The following CREM variants were observed in gnomAD, a reference collection of about 807,000 sequenced individuals.
The protein encoded by CREM is cAMP responsive element modulator, also known as cAMP-responsive element modulator.
In CREM, 13 loss-of-function variants were observed where a neutral mutation model predicts 37.3. The observed-to-expected ratio is 0.35, with a 90% CI of 0.23 to 0.55. The LOEUF is 0.55. Ranked by LOEUF, CREM falls within the 20% of genes least tolerant of loss-of-function variation. CREM has a pLI of 0.88. For synonymous variants in CREM, 124 were observed against 120.2 expected (o/e 1.03, Z -0.21); for missense variants, 296 against 362.3 (o/e 0.82, Z 1.49).
Position 35,203,420 on chromosome 10 carries a change from G to A in CREM, c.599-3475G>A, listed in dbSNP as rs998693453. Among the ~76,000 whole-genome samples the A allele has an allele frequency of 5.9e-5, 9 of 152,102 alleles. No individual in the cohort carries two copies. In the South Asian group the frequency reaches 6.2e-4, roughly 11 times the overall value. Reference sequence around the variant, plus strand: ...AAAAACAAGTTTTTTGTGGCCGGGCGCAGTGGCTCACGCCTGTGATCCCAG... The same window carrying A: ...AAAAACAAGTTTTTTGTGGCCGGGCACAGTGGCTCACGCCTGTGATCCCAG... On this transcript the variant is annotated intron_variant, in intron 6 of 7. Transcript: ENST00000685392.
intron 3 of CREM, among the ~76,000 whole-genome samples, chr10:35,149,416 T>C (rs1168083158): frequency 1.3e-5 from 2 of 151,976 alleles, no homozygotes; most frequent in African/African-American, 4.8e-5. Context: ...AAGTAGAGGA[T>C]CGTATACATT....
chr10:35,187,176 T>TATATTATATATTATATA (rs1564922957), intron 5 of CREM, among the ~76,000 whole-genome samples: 1,161 of 44,850 alleles, frequency 0.026, 42 homozygotes, highest in African/African-American at 0.08. Flanking sequence ...TATATTAATA[T>TATATTATATATTATATA]TAATATATAA....
intron 6 of CREM, chr10:35,196,206 T>C: frequency 8.7e-7 from 1 of 1,146,358 alleles, no homozygotes. Flanking sequence ...ATCCTCTTAC[T>C]CCATCTATAG....
chr10:35,201,606 A>G (rs1284894226), intron 6 of CREM: 33 of 1,317,856 alleles, frequency 2.5e-5, no homozygotes, highest in Non-Finnish European at 3.4e-5. Context: ...AGTTCTAGGA[A>G]TTTTCTTTTC....
chr10:35,179,179 G>T lies in CREM; in HGVS notation c.312G>T (p.Lys104Asn). The change falls in exon 5 of 8, where the codon AAG (lysine) becomes AAT (asparagine). Residue 104 changes from lysine (K) to asparagine (N), a missense_variant. Physicochemically the swap from Lys to Asn is moderately conservative, Grantham distance 94. Around this residue, in one of 2 missense-constraint regions of CREM, gnomAD observed 257 missense variants for 280.2 expected, o/e 0.92. Coordinates refer to ENST00000685392, the MANE Select transcript of CREM (RefSeq NM_183011.2). Reference protein sequence around the residue: ...ELSSDVPGVPKIEEERSEEEG... With the variant: ...ELSSDVPGVPNIEEERSEEEG... ...CCTCTGATGTGCCTGGTGTTCCCAA[G>T]ATTGAAGAAGAGAGATCAGAGGAAG... 1 of 1,613,932 alleles carries T rather than the reference G, an allele frequency of 6.2e-7. No individual in the cohort carries two copies. The highest frequency in any genetic ancestry group is 8.5e-7 in the Non-Finnish European group (1 of 1,179,938).
intron 3 of CREM, among the ~76,000 whole-genome samples, chr10:35,155,857 C>T (rs2092869948): frequency 6.6e-6 from 1 of 151,666 alleles, no homozygotes; most frequent in Non-Finnish European, 1.5e-5. Flanking sequence ...TCTTGATCTC[C>T]TGACCTTGTG....
intron 1 of CREM, among the ~76,000 whole-genome samples, chr10:35,130,780 G>T (rs1013239793): frequency 1.3e-5 from 2 of 152,216 alleles, no homozygotes; most frequent in Admixed American, 6.5e-5. Flanking sequence ...GTAGTCGGTT[G>T]TGCCATCTAG....
intron 1 of CREM, among the ~76,000 whole-genome samples, chr10:35,130,137 A>G (rs1490880538): frequency 6.6e-6 from 1 of 150,510 alleles, no homozygotes; most frequent in East Asian, 2.0e-4. Context: ...CGGAGGGTGC[A>G]GTGAGCCAAG....
chr10:35,137,288 T>C (rs1004952928), intron 1 of CREM, among the ~76,000 whole-genome samples: 1 of 152,210 alleles, frequency 6.6e-6, no homozygotes, highest in African/African-American at 2.4e-5. Flanking sequence ...TTATTTTGTT[T>C]GGAGTTTAAT....
intron 3 of CREM, chr10:35,167,726 A>G: frequency 6.2e-7 from 1 of 1,613,876 alleles, no homozygotes; most frequent in Non-Finnish European, 8.5e-7. Context: ...TTTTTGGTGG[A>G]TGTGGTGGCA....
At chr10:35,151,963 A>C (rs574643930) in intron 3 of CREM, among the ~76,000 whole-genome samples, 5 of 152,328 alleles carry the variant, frequency 3.3e-5, no homozygotes, top group Admixed American at 3.3e-4. Context: ...AGGAGTAGGA[A>C]ATCAAGCTGA....
At chr10:35,172,443 T>C (rs886507820) in intron 3 of CREM, among the ~76,000 whole-genome samples, 1 of 152,264 alleles carries the variant, frequency 6.6e-6, no homozygotes, top group African/African-American at 2.4e-5. Context: ...TTTCTCTGTT[T>C]TGATATCCAC....
chr10:35,155,514 A>T (rs1454850837), intron 3 of CREM, among the ~76,000 whole-genome samples: 1 of 152,126 alleles, frequency 6.6e-6, no homozygotes, highest in African/African-American at 2.4e-5. Context: ...TACCACAATA[A>T]AAGATAATGA....
chr10:35,173,825 AC>A (rs901356150), intron 3 of CREM, among the ~76,000 whole-genome samples: 1 of 152,196 alleles, frequency 6.6e-6, no homozygotes, highest in Non-Finnish European at 1.5e-5. Context: ...AATATCAATC[AC>A]AGAAACAAAA....
chr10:35,160,028 T>C (rs1278172636), intron 3 of CREM, among the ~76,000 whole-genome samples: 1 of 152,144 alleles, frequency 6.6e-6, no homozygotes, highest in Non-Finnish European at 1.5e-5. Flanking sequence ...TTTTTTTCCC[T>C]TATGATCCAA....
At chr10:35,190,251 T>C (rs2094852866) in intron 6 of CREM, among the ~76,000 whole-genome samples, 1 of 152,242 alleles carries the variant, frequency 6.6e-6, no homozygotes, top group African/African-American at 2.4e-5. Flanking sequence ...TTTCCACATT[T>C]TCTTCTATTT....
chr10:35,172,245 G>T (rs1409841442), intron 3 of CREM, among the ~76,000 whole-genome samples: 1 of 152,142 alleles, frequency 6.6e-6, no homozygotes, highest in African/African-American at 2.4e-5. Flanking sequence ...CTGCTCTACT[G>T]GAGCTGAAAT....
At chr10:35,135,652 G>A (rs912410899) in intron 1 of CREM, 2 of 147,884 alleles carry the variant, frequency 1.4e-5, no homozygotes, top group African/African-American at 5.0e-5. Context: ...CACTTTGGGA[G>A]GCTATGGTGG....
At chr10:35,188,873 G>T (rs1209746724) in intron 6 of CREM, among the ~76,000 whole-genome samples, 1 of 152,052 alleles carries the variant, frequency 6.6e-6, no homozygotes, top group Non-Finnish European at 1.5e-5. Context: ...GGGCAGGCTG[G>T]TCTCAAACTC....
Sources: gnomAD v4.1 joint callset for allele counts (sites outside exome capture counted in the v4.1 genomes callset) on GRCh38, gnomAD v4.1.1 for gene constraint, gnomAD v4.1.1 regional missense constraint, MANE v1.5 for transcripts, NCBI Gene and HGNC (gene_info 2026-07-23, HGNC 2026-07-21) for gene names.